DNAH11: variants seen among roughly 807,000 people sequenced by gnomAD.
DNAH11 encodes axonemal beta dynein heavy chain 11.
Under a neutral mutation model 526.0 loss-of-function variants are expected in DNAH11, and 442 were observed. That is an observed-to-expected ratio of 0.84 (90% CI 0.78 to 0.91). The LOEUF is 0.91. Among genes scored for constraint, DNAH11 ranks in the 40% least tolerant of loss-of-function variants. DNAH11 has a pLI of 0.00. For synonymous variants in DNAH11, 2,461 were observed against 1,935.9 expected, an observed-to-expected ratio of 1.27 and a Z score of -7.12; for missense variants, 6,989 against 5,448.7, an observed-to-expected ratio of 1.28 and a Z score of -8.90.
chr7:21,835,233 AAAAAAAAAC>A (rs1250283663), intron 65 of DNAH11, among the ~76,000 whole-genome samples: 3 of 146,242 alleles, frequency 2.1e-5, no homozygotes, highest in African/African-American at 5.3e-5. Context: ...CAAAAAAAAA[AAAAAAAAAC>A]AGAGGGAGTT....
At chr7:21,689,397 T>A (rs1783517070) in intron 34 of DNAH11, among the ~76,000 whole-genome samples, 1 of 152,246 alleles carries the variant, frequency 6.6e-6, no homozygotes, top group African/African-American at 2.4e-5. Flanking sequence ...TTAGCCCATA[T>A]GCAGACAGCT....
At chr7:21,676,971 T>A (rs571201339) in intron 30 of DNAH11, among the ~76,000 whole-genome samples, 138 of 152,314 alleles carry the variant, frequency 9.1e-4, no homozygotes, top group African/African-American at 3.0e-3. Context: ...GCACCCACAC[T>A]CTGACAGTTC....
intron 35 of DNAH11, among the ~76,000 whole-genome samples, chr7:21,693,339 A>G (rs765497805): frequency 3.3e-5 from 5 of 152,184 alleles, no homozygotes; most frequent in Admixed American, 1.3e-4. Context: ...GTCAGGAGGT[A>G]TTTTATTAAT....
chr7:21,741,976 A>G lies in DNAH11; in HGVS notation c.7964A>G (p.Asn2655Ser). 1.2e-6 allele frequency: 2 copies of G among 1,613,946 alleles called. No homozygotes were observed. The highest frequency in any genetic ancestry group is 8.5e-7 in the Non-Finnish European group (1 of 1,179,876). ...AFNFPSLDAL[N>S]TIYGQIFSFH... ...AATTTTCCATCTTTGGATGCACTAA[A>G]CACCATCTATGGCCAAATCTTTAGC... is the stretch of plus-strand genomic sequence containing the variant. The change falls in exon 49 of 82, where the codon AAC becomes AGC. Residue 2655 changes from asparagine (N) to serine (S), a missense_variant. Transcript: ENST00000409508.
chr7:21,728,041 A>G (rs747685975), intron 45 of DNAH11, among the ~76,000 whole-genome samples: 51 of 152,140 alleles, frequency 3.4e-4, no homozygotes, highest in Admixed American at 2.0e-4. Flanking sequence ...TAATAGCCTC[A>G]TTTTAACTTA....
chr7:21,620,260 T>C (rs1785982104), intron 25 of DNAH11, among the ~76,000 whole-genome samples, 182 bp downstream of exon 25: 1 of 152,182 alleles, frequency 6.6e-6, no homozygotes, highest in East Asian at 1.9e-4. Context: ...AAATCTCCTT[T>C]AGGAATTTTG....
At chr7:21,837,156 G>A (rs983518424) in intron 65 of DNAH11, among the ~76,000 whole-genome samples, 4 of 152,080 alleles carry the variant, frequency 2.6e-5, no homozygotes, top group Admixed American at 6.5e-5. Flanking sequence ...AATGTAAATC[G>A]GTATAGCCAT....
chr7:21,635,399 G>C (rs542920264), intron 25 of DNAH11, among the ~76,000 whole-genome samples: 5 of 152,026 alleles, frequency 3.3e-5, no homozygotes, highest in African/African-American at 9.7e-5. Flanking sequence ...CTCGTGATCC[G>C]CCCACCTCGG....
intron 30 of DNAH11, among the ~76,000 whole-genome samples, chr7:21,674,244 C>T (rs568293114): frequency 2.0e-5 from 3 of 151,884 alleles, no homozygotes; most frequent in Admixed American, 2.0e-4. Flanking sequence ...TTAGTACAGA[C>T]GAGGCTTCAC....
Position 21,816,485 on chromosome 7 carries a change from G to C in DNAH11, c.10351G>C (p.Glu3451Gln). 1 of 1,608,146 alleles carries C rather than the reference G, an allele frequency of 6.2e-7. No homozygotes were observed. Among genetic ancestry groups the C allele is most frequent in the African/African-American group, 1.3e-5 (1 of 74,924 alleles). Residue 3451 changes from glutamate to glutamine, a missense_variant, in exon 64 of 82, where the codon GAA becomes CAA. By Grantham distance (29) the Glu-to-Gln change is conservative. Coordinates refer to ENST00000409508, the MANE Select transcript of DNAH11 (RefSeq NM_001277115.2). ...TTTAAAGGTTTCCATTCCACTAACC[G>C]AAGGCCTGGACTTGATATCCATGTT... is the stretch of plus-strand genomic sequence containing the variant. ...LQQKVSIPLTEGLDLISMLTD... is the reference protein window; with the variant it reads ...LQQKVSIPLTQGLDLISMLTD...
intron 63 of DNAH11, among the ~76,000 whole-genome samples, chr7:21,809,743 T>G (rs1247994068): frequency 6.6e-6 from 1 of 151,820 alleles, no homozygotes; most frequent in African/African-American, 2.4e-5. Flanking sequence ...TTTTTGTATT[T>G]TTAGTAGAGA....
In DNAH11 at chr7:21,786,628, A is replaced by G. The variant is rs762025592; in HGVS notation, c.9602A>G (p.Asn3201Ser). Residue 3201 changes from asparagine (N) to serine (S), a missense_variant, in exon 59 of 82, where the codon AAC becomes AGC. Coordinates refer to ENST00000409508, the MANE Select transcript of DNAH11 (RefSeq NM_001277115.2). ...TAALNTLNRV[N>S]LSELKAFPNP... ...TTTCTGTGTGCTTTTCTTCAGGTCAACCTCAGTGAGCTGAAAGCCTTTCCC... is the reference window on the plus strand; with the variant it reads ...TTTCTGTGTGCTTTTCTTCAGGTCAGCCTCAGTGAGCTGAAAGCCTTTCCC... 12 of 1,611,638 alleles carry G rather than the reference A, an allele frequency of 7.4e-6. No homozygotes were observed. Among genetic ancestry groups the G allele is most frequent in the Admixed American group, 5.0e-5 (3 of 59,950 alleles).
intron 2 of DNAH11, among the ~76,000 whole-genome samples, chr7:21,554,719 T>C (rs2128428939): frequency 6.6e-6 from 1 of 152,288 alleles, no homozygotes; most frequent in East Asian, 1.9e-4. Context: ...TAGAAGTGGT[T>C]TCATTTCCTT....
chr7:21,868,030 G>T, intron 72 of DNAH11, 23 bp downstream of exon 72: 1 of 1,475,800 alleles, frequency 6.8e-7, no homozygotes, highest in Non-Finnish European at 9.0e-7. Context: ...GAGGCTCGCT[G>T]GCCCGCCCCT....
intron 20 of DNAH11, 81 bp downstream of exon 20, chr7:21,606,814 A>G (rs1785307641): frequency 2.5e-6 from 3 of 1,212,342 alleles, no homozygotes; most frequent in Non-Finnish European, 2.3e-6. Flanking sequence ...ATACTGCCAC[A>G]TTTTGTCTTT....
intron 2 of DNAH11, among the ~76,000 whole-genome samples, chr7:21,547,478 C>A (rs1345958013): frequency 6.6e-6 from 1 of 152,162 alleles, no homozygotes; most frequent in African/African-American, 2.4e-5. Context: ...AGCATGTAAG[C>A]CCCTCTCCCA....
At chr7:21,810,933 A>T (rs576219044) in intron 63 of DNAH11, among the ~76,000 whole-genome samples, 4 of 152,326 alleles carry the variant, frequency 2.6e-5, no homozygotes, top group African/African-American at 9.6e-5. Flanking sequence ...ACTTCTCAGT[A>T]TATACCCCAA....
intron 2 of DNAH11, among the ~76,000 whole-genome samples, chr7:21,546,798 G>A (rs771326737): frequency 1.3e-5 from 2 of 152,184 alleles, no homozygotes; most frequent in Non-Finnish European, 2.9e-5. Flanking sequence ...GTCAATATCT[G>A]GGCCCCATCC....
rs546477664 is a variant in DNAH11 at position 21,701,972 on chromosome 7, A to G, written c.6181-738A>G. ...CGTGTAAGCAGTTAGTTCGTTAGGA[A>G]TACCTTTACTGAGCACCGTGCAATG... On this transcript the variant is annotated intron_variant, in intron 36 of 81. Coordinates refer to ENST00000409508, the MANE Select transcript of DNAH11 (RefSeq NM_001277115.2). 1.2e-3 allele frequency among the ~76,000 whole-genome samples: 180 copies of G among 152,258 alleles called. 1 individual carries two copies. The highest frequency in any genetic ancestry group is 4.2e-3 in the African/African-American group (174 of 41,558).
Sources: allele counts gnomAD v4.1 joint callset (sites outside exome capture counted in the v4.1 genomes callset), GRCh38; gene constraint gnomAD v4.1.1; transcripts MANE v1.5; gene names NCBI Gene and HGNC (gene_info 2026-07-23, HGNC 2026-07-21).